Variants in TMEM50B observed in about 807,000 individuals in gnomAD.
TMEM50B encodes the protein HCV p7-trans-regulated protein 3.
In TMEM50B, 14 loss-of-function variants were observed where a neutral mutation model predicts 23.4. The observed-to-expected ratio is 0.60, with a 90% confidence interval of 0.39 to 0.93. The LOEUF is 0.93. Among genes scored for constraint, TMEM50B ranks in the 40% least tolerant of loss-of-function variants. The pLI is 0.00. For missense variants in TMEM50B, 159 were observed against 193.0 expected, an observed-to-expected ratio of 0.82 and a Z score of 1.04; for synonymous variants, 64 against 62.3, an observed-to-expected ratio of 1.03 and a Z score of -0.13.
chr21:33,467,581 G>A (rs553719766), intron 2 of TMEM50B, among the ~76,000 whole-genome samples: 1 of 152,026 alleles, frequency 6.6e-6, no homozygotes, highest in South Asian at 2.1e-4. Context: ...CTGAGATCAC[G>A]CCACTGCACT....
chr21:33,457,917 A>T (rs1206040460), intron 5 of TMEM50B, among the ~76,000 whole-genome samples: 1 of 152,096 alleles, frequency 6.6e-6, no homozygotes, highest in Non-Finnish European at 1.5e-5. Flanking sequence ...TTTTTTAATA[A>T]ATAGCTGAAT....
chr21:33,458,471 G>A (rs1220144306), intron 5 of TMEM50B, among the ~76,000 whole-genome samples: 3 of 152,218 alleles, frequency 2.0e-5, no homozygotes, highest in East Asian at 1.9e-4. Context: ...CCGAGATCAC[G>A]CCACTGCACT....
exon 9 of TMEM50B, chr21:33,432,757 A>G (rs779060231): frequency 6.2e-7 from 1 of 1,613,790 alleles, no homozygotes; most frequent in Non-Finnish European, 8.5e-7. Flanking sequence ...CCGTGGGAAC[A>G]TTTTCGTTGC....
chr21:33,448,667 C>T (rs1292730400), downstream of TMEM50B: 1 of 152,012 alleles, frequency 6.6e-6, no homozygotes, highest in South Asian at 2.1e-4. Context: ...ATTTTTAGTA[C>T]AGACAGGGTT....
rs1205619679 is a variant in TMEM50B at position 33,449,780 on chromosome 21, C to T, written c.*1038G>A. 1.3e-5 allele frequency: 2 copies of T among 152,616 alleles called. No homozygotes were observed. The highest frequency in any genetic ancestry group is 2.9e-5 in the Non-Finnish European group (2 of 68,046). The allele number at this position is 152,616 out of a possible 1,614,324, so 9.5% of individuals were successfully genotyped here. On this transcript the variant is annotated 3_prime_UTR_variant, in exon 7 of 7. Coordinates refer to ENST00000542230, the MANE Select transcript of TMEM50B (RefSeq NM_006134.7). ...TTAAACTGCGATTGTCTCAAACTTG[C>T]TTGCTATTGAATTGTGTAACATCAG...
chr21:33,463,776 G>A (rs1473964294), intron 4 of TMEM50B, among the ~76,000 whole-genome samples: 1 of 152,004 alleles, frequency 6.6e-6, no homozygotes, highest in African/African-American at 2.4e-5. Flanking sequence ...AAATTAGCTG[G>A]GCACAGCAGC....
At chr21:33,454,222 TTTAAC>T (rs2084148526) in intron 6 of TMEM50B, among the ~76,000 whole-genome samples, 2 of 152,164 alleles carry the variant, frequency 1.3e-5, no homozygotes, top group Admixed American at 1.3e-4. Context: ...TTCCACTTAC[TTTAAC>T]TTTTCTTAAA....
At chr21:33,432,720 C>G in exon 9 of TMEM50B, 1 of 1,614,110 alleles carries the variant, frequency 6.2e-7, no homozygotes, top group South Asian at 1.1e-5. Context: ...TTAGCCTCCA[C>G]TGAGCTTCAG....
At chr21:33,434,912 CA>C (rs1169590822) in intron 8 of TMEM50B, among the ~76,000 whole-genome samples, 1 of 152,130 alleles carries the variant, frequency 6.6e-6, no homozygotes, top group African/African-American at 2.4e-5. Context: ...GAGACATGAA[CA>C]GAAAACACAG....
chr21:33,471,355 A>T (rs994652392), intron 1 of TMEM50B, among the ~76,000 whole-genome samples: 1 of 152,210 alleles, frequency 6.6e-6, no homozygotes, highest in African/African-American at 2.4e-5. Flanking sequence ...TACTAAAAAA[A>T]AATCACTAGA....
chr21:33,455,851 C>T (rs974548015), intron 5 of TMEM50B, 67 bp from the exon 6 acceptor site: 48 of 1,079,458 alleles, frequency 4.4e-5, no homozygotes, highest in Non-Finnish European at 6.2e-5. Context: ...AGTATCAGTG[C>T]CATTCATAAT....
At chr21:33,437,052 T>C (rs1369223064) in intron 8 of TMEM50B, 2 of 1,405,300 alleles carry the variant, frequency 1.4e-6, no homozygotes, top group African/African-American at 2.8e-5. Context: ...CAGAGACCAG[T>C]ATTCCCTTTT....
At chr21:33,466,185 C>T (rs1228834520) in intron 3 of TMEM50B, among the ~76,000 whole-genome samples, 3 of 152,052 alleles carry the variant, frequency 2.0e-5, no homozygotes, top group African/African-American at 4.8e-5. Context: ...CACTTGAACC[C>T]GGGAGGCAGA....
intron 5 of TMEM50B, among the ~76,000 whole-genome samples, chr21:33,458,359 C>A (rs1424452533): frequency 2.6e-5 from 4 of 152,072 alleles, no homozygotes; most frequent in African/African-American, 4.8e-5. Context: ...ACTAAAAATA[C>A]AAAAATTATC....
intron 8 of TMEM50B, among the ~76,000 whole-genome samples, chr21:33,435,235 CT>C (rs1215885412): frequency 6.6e-6 from 1 of 152,172 alleles, no homozygotes; most frequent in Non-Finnish European, 1.5e-5. Context: ...AAGGCCCTCG[CT>C]CCCAGATTCT....
intron 6 of TMEM50B, among the ~76,000 whole-genome samples, chr21:33,455,112 C>A: frequency 6.6e-6 from 1 of 150,972 alleles, no homozygotes. Flanking sequence ...GGGTGAGACT[C>A]CCTCGCAAAA....
intron 1 of TMEM50B, among the ~76,000 whole-genome samples, chr21:33,472,875 T>C (rs1365694599): frequency 6.8e-6 from 1 of 146,060 alleles, no homozygotes; most frequent in South Asian, 2.1e-4. Context: ...AAACTCCATC[T>C]CAAAAAAAAA....
At chr21:33,455,047 C>T (rs1052446228) in intron 6 of TMEM50B, among the ~76,000 whole-genome samples, 7 of 151,936 alleles carry the variant, frequency 4.6e-5, no homozygotes, top group East Asian at 3.9e-4. Flanking sequence ...AGTCCCGAGG[C>T]GGAGGCTGCA....
intron 1 of TMEM50B, among the ~76,000 whole-genome samples, chr21:33,475,319 C>T (rs1329908409): frequency 6.6e-6 from 1 of 151,886 alleles, no homozygotes; most frequent in Non-Finnish European, 1.5e-5. Context: ...TTTTTTGTAC[C>T]TGAGATAAAA....
Sources: gnomAD v4.1 joint callset for allele counts (sites outside exome capture counted in the v4.1 genomes callset) on GRCh38, gnomAD v4.1.1 for gene constraint, MANE v1.5 for transcripts, NCBI Gene and HGNC (gene_info 2026-07-23, HGNC 2026-07-21) for gene names.